CNTN5: variants seen among roughly 807,000 people sequenced by gnomAD.
The protein encoded by CNTN5 is contactin 5.
Under a neutral mutation model 129.1 loss-of-function variants are expected in CNTN5, and 77 were observed. The ratio of observed to expected loss-of-function variants is 0.60; its 90% CI spans 0.50 to 0.72. CNTN5 has a LOEUF of 0.72. Ranked by LOEUF, CNTN5 falls within the 30% of genes least tolerant of loss-of-function variation. CNTN5 has a pLI of 0.00. For synonymous variants in CNTN5, 509 were observed against 465.6 expected (o/e 1.09, Z -1.20); for missense variants, 1,478 against 1,328.8 (o/e 1.11, Z -1.75).
chr11:99,620,028 A>AAAAAAAAAAAAAAACCAAAAAG, intron 3 of CNTN5, among the ~76,000 whole-genome samples: 1 of 106,440 alleles, frequency 9.4e-6, no homozygotes, highest in Admixed American at 1.2e-4. Flanking sequence ...TCCGTCTCAA[A>AAAAAAAAAAAAAAACCAAAAAG]AAAAAAAAAC....
At chr11:99,711,778 A>T (rs917838272) in intron 3 of CNTN5, among the ~76,000 whole-genome samples, 8 of 151,958 alleles carry the variant, frequency 5.3e-5, no homozygotes, top group African/African-American at 1.9e-4. Context: ...CATGGTTTCC[A>T]GCTTTTTCCA....
At chr11:99,587,051 G>T (rs1949816157) in intron 3 of CNTN5, among the ~76,000 whole-genome samples, 1 of 152,168 alleles carries the variant, frequency 6.6e-6, no homozygotes, top group Non-Finnish European at 1.5e-5. Context: ...GTGTGCGAGT[G>T]AGGATCAGTT....
chr11:99,423,620 A>G (rs552787311), intron 2 of CNTN5, among the ~76,000 whole-genome samples: 1 of 152,340 alleles, frequency 6.6e-6, no homozygotes, highest in African/African-American at 2.4e-5. Context: ...TTCTCATTCT[A>G]GTAATACCTA....
At chr11:99,719,344 C>T (rs890965603) in intron 3 of CNTN5, among the ~76,000 whole-genome samples, 1 of 151,744 alleles carries the variant, frequency 6.6e-6, no homozygotes, top group Non-Finnish European at 1.5e-5. Flanking sequence ...AACATAGTAA[C>T]ATAATAGAGG....
chr11:100,219,169 G>C (rs1483020919), intron 15 of CNTN5, among the ~76,000 whole-genome samples: 1 of 152,312 alleles, frequency 6.6e-6, no homozygotes, highest in East Asian at 1.9e-4. Flanking sequence ...TATGAGGAAA[G>C]CTGGTCCACA....
chr11:99,508,285 C>T (rs1946699385), intron 2 of CNTN5, among the ~76,000 whole-genome samples: 1 of 152,176 alleles, frequency 6.6e-6, no homozygotes, highest in South Asian at 2.1e-4. Flanking sequence ...ATGACTGGCA[C>T]ATATGTTAAG....
intron 1 of CNTN5, among the ~76,000 whole-genome samples, chr11:99,213,231 ATT>A (rs35698948): frequency 0.5 from 71,523 of 143,792 alleles, 18,364 homozygotes; most frequent in Middle Eastern, 0.63. Flanking sequence ...ATATATATAT[ATT>A]TTTTTCTATA....
chr11:99,610,478 T>C (rs1330330515), intron 3 of CNTN5, among the ~76,000 whole-genome samples: 1 of 152,176 alleles, frequency 6.6e-6, no homozygotes, highest in Non-Finnish European at 1.5e-5. Context: ...ACATATTTTG[T>C]TTTCCAGACA....
intron 13 of CNTN5, among the ~76,000 whole-genome samples, chr11:100,078,425 T>C (rs547967465): frequency 6.6e-6 from 1 of 152,248 alleles, no homozygotes; most frequent in South Asian, 2.1e-4. Context: ...AGAGCTAAGA[T>C]TTGTTTACAT....
At chr11:99,117,714 T>C (rs1298588276) in intron 1 of CNTN5, among the ~76,000 whole-genome samples, 1 of 152,186 alleles carries the variant, frequency 6.6e-6, no homozygotes, top group African/African-American at 2.4e-5. Flanking sequence ...GCTCCCATGA[T>C]GGGAGTAGTG....
chr11:99,619,193 A>T (rs1305542305), intron 3 of CNTN5, among the ~76,000 whole-genome samples: 1 of 152,124 alleles, frequency 6.6e-6, no homozygotes, highest in Non-Finnish European at 1.5e-5. Flanking sequence ...AAACAAAAAA[A>T]TCAAAAAACT....
At chr11:100,066,135 T>C (rs1943687618) in intron 10 of CNTN5, among the ~76,000 whole-genome samples, 4 of 152,086 alleles carry the variant, frequency 2.6e-5, no homozygotes, top group African/African-American at 9.7e-5. Context: ...ATATATATTA[T>C]CTTCTATCAT....
chr11:99,534,989 T>C (rs1337877809), intron 2 of CNTN5, among the ~76,000 whole-genome samples: 2 of 152,078 alleles, frequency 1.3e-5, no homozygotes, highest in Non-Finnish European at 2.9e-5. Context: ...GAATGAATAA[T>C]AGAAAGAGCA....
chr11:99,950,431 A>C (rs1950646539), intron 7 of CNTN5, among the ~76,000 whole-genome samples: 1 of 152,232 alleles, frequency 6.6e-6, no homozygotes, highest in Admixed American at 6.5e-5. Flanking sequence ...CAATGAGCCA[A>C]GATTGTGCTA....
chr11:99,787,153 A>C (rs1025210173), intron 3 of CNTN5, among the ~76,000 whole-genome samples: 1 of 150,892 alleles, frequency 6.6e-6, no homozygotes, highest in Admixed American at 6.6e-5. Context: ...TTTAGGGTAC[A>C]TGTGCACCTG....
chr11:99,545,755 C>A (rs892370103), intron 2 of CNTN5, among the ~76,000 whole-genome samples: 1 of 152,126 alleles, frequency 6.6e-6, no homozygotes, highest in Non-Finnish European at 1.5e-5. Context: ...CTTACTTGTT[C>A]ATGCAGAACC....
At chr11:99,754,479 G>A (rs1372811980) in intron 3 of CNTN5, among the ~76,000 whole-genome samples, 1 of 152,012 alleles carries the variant, frequency 6.6e-6, no homozygotes, top group Non-Finnish European at 1.5e-5. Flanking sequence ...TGCCTTAAGG[G>A]TTCAACTTGT....
chr11:99,373,173 C>T (rs553418726), intron 2 of CNTN5, among the ~76,000 whole-genome samples: 1 of 152,224 alleles, frequency 6.6e-6, no homozygotes, highest in Admixed American at 6.5e-5. Flanking sequence ...CGCACCATTG[C>T]ACTCCAGCCA....
At chr11:99,857,254 T>G (rs898177408) in intron 6 of CNTN5, among the ~76,000 whole-genome samples, 3 of 152,184 alleles carry the variant, frequency 2.0e-5, no homozygotes, top group Non-Finnish European at 4.4e-5. Flanking sequence ...CATGTCTTTT[T>G]TATTTCTTTA....
Sources: allele counts gnomAD v4.1 joint callset (sites outside exome capture counted in the v4.1 genomes callset), GRCh38; gene constraint gnomAD v4.1.1; transcripts MANE v1.5; gene names NCBI Gene and HGNC (gene_info 2026-07-23, HGNC 2026-07-21).